TFDP1: variants seen among roughly 807,000 people sequenced by gnomAD.
The protein encoded by TFDP1 is DRTF1-polypeptide 1.
A neutral mutation model predicts 48.0 loss-of-function variants in TFDP1; 6 were observed. The ratio of observed to expected loss-of-function variants is 0.13; its 90% CI spans 0.07 to 0.25. The LOEUF (loss-of-function observed/expected upper bound fraction) is 0.25. Ranked by LOEUF, TFDP1 falls within the 10% of genes least tolerant of loss-of-function variation. TFDP1 has a pLI of 1.00. For missense variants in TFDP1, 335 were observed against 543.0 expected, an observed-to-expected ratio of 0.62 and a Z score of 3.81; for synonymous variants, 201 against 211.6, an observed-to-expected ratio of 0.95 and a Z score of 0.44.
At chr13:113,596,969 T>G (rs2048303022) in intron 2 of TFDP1, among the ~76,000 whole-genome samples, 1 of 152,194 alleles carries the variant, frequency 6.6e-6, no homozygotes, top group Admixed American at 6.5e-5. Flanking sequence ...CTGTGCATCC[T>G]TGTGGGTGGG....
chr13:113,618,292 C>T (rs1040571808), intron 3 of TFDP1, among the ~76,000 whole-genome samples: 2 of 152,132 alleles, frequency 1.3e-5, no homozygotes, highest in African/African-American at 4.8e-5. Flanking sequence ...GAGGCCAAGG[C>T]GGGTGGATCG....
intron 3 of TFDP1, among the ~76,000 whole-genome samples, chr13:113,620,622 C>CTT (rs1341773658): frequency 6.6e-6 from 1 of 152,194 alleles, no homozygotes; most frequent in Admixed American, 6.5e-5. Flanking sequence ...TTTAAAATGC[C>CTT]TTTCCCTGGT....
intron 3 of TFDP1, among the ~76,000 whole-genome samples, chr13:113,618,590 A>G (rs2048919205): frequency 6.6e-6 from 1 of 152,174 alleles, no homozygotes; most frequent in Non-Finnish European, 1.5e-5. Context: ...AGTGGTGGGG[A>G]GCGGCAGCCT....
At chr13:113,594,666 C>T (rs1326117826) in intron 2 of TFDP1, among the ~76,000 whole-genome samples, 9 of 152,376 alleles carry the variant, frequency 5.9e-5, no homozygotes, top group African/African-American at 2.2e-4. Context: ...GGGTGCCGCC[C>T]GTTCCCAGTG....
At chr13:113,612,797 G>C (rs2048737264) in intron 3 of TFDP1, among the ~76,000 whole-genome samples, 1 of 152,220 alleles carries the variant, frequency 6.6e-6, no homozygotes, top group African/African-American at 2.4e-5. Flanking sequence ...GGATTAGGAA[G>C]GAACATATTC....
chr13:113,601,898 C>G (rs1331943608), intron 2 of TFDP1, among the ~76,000 whole-genome samples: 1 of 51,876 alleles, frequency 1.9e-5, no homozygotes, highest in Non-Finnish European at 3.3e-5. Flanking sequence ...CTCTGTAGCT[C>G]TGAGAGGAGG....
chr13:113,612,953 G>A (rs189922008), intron 3 of TFDP1, among the ~76,000 whole-genome samples: 2 of 152,244 alleles, frequency 1.3e-5, no homozygotes, highest in Admixed American at 6.5e-5. Context: ...CTGGATCGCC[G>A]GCAGCAGCTC....
intron 9 of TFDP1, 106 bp downstream of exon 9, chr13:113,636,234 C>G: frequency 7.0e-7 from 1 of 1,425,436 alleles, no homozygotes; most frequent in Non-Finnish European, 9.6e-7. Flanking sequence ...GTACAAATAG[C>G]AAATGTTGCA....
chr13:113,609,406 T>C (rs1159629357), intron 2 of TFDP1, among the ~76,000 whole-genome samples: 1 of 152,128 alleles, frequency 6.6e-6, no homozygotes, highest in Non-Finnish European at 1.5e-5. Flanking sequence ...GAAAGTGCAG[T>C]TGGACCCGGT....
chr13:113,611,190 C>T (rs951421022), intron 3 of TFDP1, 128 bp downstream of exon 3: 21 of 898,926 alleles, frequency 2.3e-5, no homozygotes, highest in African/African-American at 1.5e-4. Flanking sequence ...CTTTGTGCTC[C>T]GGGAACCCAG....
intron 3 of TFDP1, among the ~76,000 whole-genome samples, chr13:113,615,525 G>A (rs955275566): frequency 4.6e-5 from 7 of 152,212 alleles, no homozygotes; most frequent in African/African-American, 1.7e-4. Context: ...CTGGAAGTGT[G>A]CTTGTCTGTC....
chr13:113,621,676 C>G (rs1423007785), intron 3 of TFDP1, among the ~76,000 whole-genome samples: 1 of 152,224 alleles, frequency 6.6e-6, no homozygotes, highest in Non-Finnish European at 1.5e-5. Context: ...CAGAGGGCTC[C>G]TTGGTCTAGC....
At position 113,633,572 on chromosome 13, in the gene TFDP1, C is replaced by T. The variant is rs149549372; in HGVS notation, c.474+287C>T. Among the ~76,000 whole-genome samples, 1 of 152,332 alleles carries T rather than the reference C, an allele frequency of 6.6e-6. No homozygotes were observed. The highest frequency in any genetic ancestry group is 1.9e-4 in the East Asian group (1 of 5,176). ...AATTTTTCCGATCCATTTGCTGGCA[C>T]GATGCTTTGTCAACTCCAGTGAGTG... On this transcript the variant is annotated intron_variant, in intron 6 of 11. Transcript: ENST00000375370. This position sits in a 1 kb window ranked among gnomAD's most constrained non-coding sequence, Gnocchi z 4.5.
intron 8 of TFDP1, among the ~76,000 whole-genome samples, chr13:113,634,905 CTGTG>C (rs1267236317): frequency 1.3e-5 from 2 of 150,736 alleles, no homozygotes; most frequent in African/African-American, 4.9e-5. Context: ...GTGCATGTGC[CTGTG>C]TGCGTGTGTG....
At chr13:113,613,401 C>T (rs1197282153) in intron 3 of TFDP1, among the ~76,000 whole-genome samples, 2 of 152,202 alleles carry the variant, frequency 1.3e-5, no homozygotes, top group African/African-American at 2.4e-5. Flanking sequence ...GAGAGGTTTC[C>T]TTTTTTCCTC....
intron 4 of TFDP1, among the ~76,000 whole-genome samples, chr13:113,629,968 G>A (rs913512105): frequency 2.0e-4 from 31 of 152,204 alleles, no homozygotes; most frequent in Admixed American, 3.9e-4. Flanking sequence ...TGTGGTATGC[G>A]CGGAGCCAGC....
chr13:113,626,203 G>A (rs768376338), intron 4 of TFDP1, among the ~76,000 whole-genome samples: 4 of 152,078 alleles, frequency 2.6e-5, no homozygotes, highest in Non-Finnish European at 4.4e-5. Flanking sequence ...AGGTGTCCCT[G>A]GCCCTGTGGA....
intron 2 of TFDP1, among the ~76,000 whole-genome samples, chr13:113,602,985 A>AAC (rs372120993): frequency 0.011 from 1,556 of 146,936 alleles, 38 homozygotes; most frequent in African/African-American, 0.038. Flanking sequence ...AAAAAAAAAA[A>AAC]ACGTATAATT....
At chr13:113,588,059 A>G (rs1456560367) in intron 2 of TFDP1, among the ~76,000 whole-genome samples, 4 of 152,160 alleles carry the variant, frequency 2.6e-5, no homozygotes, top group African/African-American at 9.7e-5. Context: ...CATGTTGGCC[A>G]GGCTTGTCTT....
Sources: gnomAD v4.1 joint callset for allele counts (sites outside exome capture counted in the v4.1 genomes callset) on GRCh38, gnomAD v4.1.1 for gene constraint, Gnocchi (gnomAD v3.1) non-coding constraint, MANE v1.5 for transcripts, NCBI Gene and HGNC (gene_info 2026-07-23, HGNC 2026-07-21) for gene names.